CTDSPL2: variants seen among roughly 807,000 people sequenced by gnomAD.
The protein encoded by CTDSPL2 is CTD small phosphatase like 2, also known as CTD small phosphatase-like protein 2.
CTDSPL2 carries 5 observed loss-of-function variants against 60.0 expected under a neutral mutation model. That is an observed-to-expected ratio of 0.08 (90% CI 0.04 to 0.18). The LOEUF (loss-of-function observed/expected upper bound fraction) is 0.18, where lower values mean the gene tolerates loss of function less well. Among genes scored for constraint, CTDSPL2 ranks in the 10% least tolerant of loss-of-function variants. The probability of loss-of-function intolerance (pLI) is 1.00; values close to 1 mark genes in which losing one functional copy is unlikely to be tolerated. For missense variants in CTDSPL2, 370 were observed against 548.8 expected (o/e 0.67, Z 3.26); for synonymous variants, 186 against 189.3 (o/e 0.98, Z 0.14).
At chr15:44,452,968 C>G (rs571289719) in intron 1 of CTDSPL2, among the ~76,000 whole-genome samples, 2 of 152,136 alleles carry the variant, frequency 1.3e-5, no homozygotes, top group African/African-American at 4.8e-5. Flanking sequence ...CCAGTTTGCT[C>G]CTTGCCTTCT....
chr15:44,444,839 T>TG, intron 1 of CTDSPL2, among the ~76,000 whole-genome samples: 1 of 110,926 alleles, frequency 9.0e-6, no homozygotes, highest in Non-Finnish European at 1.8e-5. Context: ...GAATGTAGTT[T>TG]TTTTTTTTTT....
Position 44,448,362 on chromosome 15 carries a change from G to T in CTDSPL2, c.-24-10629G>T. ...GCTCCACAAAGCCCATGCGGTCCATGACCAGACCCATGTGCTGCATCTTGG... is the reference window on the plus strand; with the variant it reads ...GCTCCACAAAGCCCATGCGGTCCATTACCAGACCCATGTGCTGCATCTTGG... On this transcript the variant is annotated intron_variant, in intron 1 of 12. Transcript: ENST00000260327. 4 of 251,824 alleles carry T rather than the reference G, an allele frequency of 1.6e-5. No homozygotes were observed. The South Asian group carries it at 2.0e-4, about 13-fold the overall frequency. 15.6% of individuals were successfully genotyped at this position (251,824 alleles called of 1,614,324 possible).
At chr15:44,462,808 G>C (rs1179298599) in intron 2 of CTDSPL2, among the ~76,000 whole-genome samples, 3 of 147,442 alleles carry the variant, frequency 2.0e-5, no homozygotes, top group Admixed American at 7.0e-5. Context: ...TTGGGTTCAA[G>C]CGATCCTTTT....
At chr15:44,427,858 T>C in intron 1 of CTDSPL2, 86 bp downstream of exon 1, 1 of 394,840 alleles carries the variant, frequency 2.5e-6, no homozygotes, top group South Asian at 1.4e-4. Context: ...TCTCCTCCCC[T>C]TCTAAACCTG....
intron 1 of CTDSPL2, among the ~76,000 whole-genome samples, chr15:44,431,749 G>C (rs180987741): frequency 7.1e-6 from 1 of 140,744 alleles, no homozygotes; most frequent in African/African-American, 2.7e-5. Flanking sequence ...ACAGAGTTTC[G>C]CTCTTGTTCC....
At chr15:44,466,608 G>A (rs940127961) in intron 2 of CTDSPL2, among the ~76,000 whole-genome samples, 1 of 152,052 alleles carries the variant, frequency 6.6e-6, no homozygotes, top group Non-Finnish European at 1.5e-5. Flanking sequence ...AGGCTATGTG[G>A]TATAGCTTTT....
chr15:44,480,820 C>A (rs2081013468), intron 2 of CTDSPL2, among the ~76,000 whole-genome samples: 1 of 151,548 alleles, frequency 6.6e-6, no homozygotes, highest in Admixed American at 6.6e-5. Context: ...GCGACAGAGA[C>A]CCTGCCTCCA....
At chr15:44,430,454 C>T (rs2079834240) in intron 1 of CTDSPL2, among the ~76,000 whole-genome samples, 1 of 151,780 alleles carries the variant, frequency 6.6e-6, no homozygotes. Flanking sequence ...CCTATGTTGC[C>T]CAGGCTGCTT....
At chr15:44,463,692 T>G (rs2080623519) in intron 2 of CTDSPL2, among the ~76,000 whole-genome samples, 2 of 152,236 alleles carry the variant, frequency 1.3e-5, no homozygotes, top group African/African-American at 4.8e-5. Context: ...TATATGGCTT[T>G]TAATTATTGT....
chr15:44,496,892 A>G (rs2081310392), intron 6 of CTDSPL2, 135 bp from the exon 7 acceptor site: 8 of 527,446 alleles, frequency 1.5e-5, no homozygotes, highest in African/African-American at 1.9e-5. Flanking sequence ...GTATGTTTTC[A>G]CTTTTATTAA....
At chr15:44,431,158 G>A (rs983357997) in intron 1 of CTDSPL2, among the ~76,000 whole-genome samples, 96 of 148,522 alleles carry the variant, frequency 6.5e-4, no homozygotes, top group African/African-American at 2.3e-3. Flanking sequence ...ACGGGGTCTC[G>A]CTGTGTCACC....
At chr15:44,468,537 A>G (rs2080741581) in intron 2 of CTDSPL2, among the ~76,000 whole-genome samples, 1 of 152,146 alleles carries the variant, frequency 6.6e-6, no homozygotes, top group Non-Finnish European at 1.5e-5. Context: ...AGTTTGATTT[A>G]CTTTTACTTT....
At chr15:44,492,628 A>G (rs997890169) in intron 5 of CTDSPL2, among the ~76,000 whole-genome samples, 3 of 152,192 alleles carry the variant, frequency 2.0e-5, no homozygotes, top group Non-Finnish European at 2.9e-5. Flanking sequence ...CAATTATGAA[A>G]CTTCTATATA....
intron 1 of CTDSPL2, among the ~76,000 whole-genome samples, chr15:44,450,899 A>G (rs954474424): frequency 6.6e-6 from 1 of 152,070 alleles, no homozygotes; most frequent in Non-Finnish European, 1.5e-5. Context: ...CATCTGGCCA[A>G]TATTCTCAAA....
At position 44,484,471 on chromosome 15, in the gene CTDSPL2, A is replaced by C. The variant is rs2081084160; in HGVS notation, c.325+109A>C. The C allele has an allele frequency of 4.9e-6, 5 of 1,029,774 alleles. No homozygotes were observed. In the Admixed American group the frequency reaches 7.4e-5, roughly 15 times the overall value. The allele number at this position is 1,029,774 out of a possible 1,614,324, so 63.8% of individuals were successfully genotyped here. The stretch of plus-strand genomic sequence containing the variant: ...ACTTTGAGGCCGGGTGCAGTGGCTC[A>C]TGCCTGTAATCCTCACATTTTGGGA... On this transcript the variant is annotated intron_variant, in intron 3 of 12. Transcript: ENST00000260327.
chr15:44,434,450 A>G (rs916077881), intron 1 of CTDSPL2, among the ~76,000 whole-genome samples: 4 of 152,204 alleles, frequency 2.6e-5, no homozygotes, highest in South Asian at 4.1e-4. Context: ...CTGGAGTACA[A>G]TGGCACAGTC....
intron 1 of CTDSPL2, among the ~76,000 whole-genome samples, chr15:44,450,589 A>ATTTTTTTTTTTTTTTTTTTTTT (rs36016079): frequency 1.1e-5 from 1 of 88,684 alleles, no homozygotes; most frequent in Non-Finnish European, 2.1e-5. Context: ...TATATTCTTA[A>ATTTTTTTTTTTTTTTTTTTTTT]TTTTTTTTTT....
intron 2 of CTDSPL2, among the ~76,000 whole-genome samples, chr15:44,468,416 G>T (rs1174396986): frequency 6.6e-6 from 1 of 151,926 alleles, no homozygotes; most frequent in African/African-American, 2.4e-5. Flanking sequence ...TCTTTATTTT[G>T]ATGAGTCTTG....
intron 12 of CTDSPL2, among the ~76,000 whole-genome samples, chr15:44,522,364 A>T (rs988116636): frequency 6.6e-6 from 1 of 152,126 alleles, no homozygotes; most frequent in Non-Finnish European, 1.5e-5. Context: ...TTATATTAAC[A>T]TTATGCTTAT....
Sources: gnomAD v4.1 joint callset for allele counts (sites outside exome capture counted in the v4.1 genomes callset) on GRCh38, gnomAD v4.1.1 for gene constraint, MANE v1.5 for transcripts, NCBI Gene and HGNC (gene_info 2026-07-23, HGNC 2026-07-21) for gene names.